RBM19: variants seen among roughly 807,000 people sequenced by gnomAD.
RBM19 encodes the protein RNA binding motif protein 19, also known as probable RNA-binding protein 19.
RBM19 carries 94 observed loss-of-function variants against 116.8 expected under a neutral mutation model. The observed-to-expected ratio is 0.80, with a 90% CI of 0.68 to 0.95. The LOEUF (loss-of-function observed/expected upper bound fraction) is 0.95, where lower values mean the gene tolerates loss of function less well. Among genes scored for constraint, RBM19 ranks in the 40% least tolerant of loss-of-function variants. The pLI, the probability that RBM19 is intolerant of heterozygous loss-of-function variation, is 0.00. For missense variants in RBM19, 1,161 were observed against 1,220.7 expected, an observed-to-expected ratio of 0.95 and a Z score of 0.73; for synonymous variants, 475 against 494.1, an observed-to-expected ratio of 0.96 and a Z score of 0.51.
chr12:113,933,384 C>T (rs1869784663), intron 16 of RBM19, among the ~76,000 whole-genome samples: 1 of 151,990 alleles, frequency 6.6e-6, no homozygotes, highest in Non-Finnish European at 1.5e-5. Context: ...AAGAACAGCA[C>T]CCGCCAGGAG....
At chr12:113,824,024 G>A (rs1478496121) in intron 23 of RBM19, among the ~76,000 whole-genome samples, 1 of 152,216 alleles carries the variant, frequency 6.6e-6, no homozygotes, top group Non-Finnish European at 1.5e-5. Context: ...GGGCTTTGAA[G>A]AATGCAGAGG....
chr12:113,853,580 C>T (rs560202061), intron 22 of RBM19, among the ~76,000 whole-genome samples: 1 of 152,228 alleles, frequency 6.6e-6, no homozygotes, highest in Non-Finnish European at 1.5e-5. Context: ...TGTTGCCCTT[C>T]CTTTCTTCCT....
downstream of RBM19, among the ~76,000 whole-genome samples, chr12:113,819,144 C>G (rs1221027440): frequency 6.6e-6 from 1 of 152,174 alleles, no homozygotes; most frequent in South Asian, 2.1e-4. Flanking sequence ...GGGAGACGGA[C>G]GTGAGGACAG....
intron 2 of RBM19, 127 bp from the exon 3 acceptor site, chr12:113,960,305 A>G (rs1872382366): frequency 1.6e-6 from 2 of 1,226,304 alleles, no homozygotes. Flanking sequence ...GCTGAAGTAG[A>G]TTACACGTCA....
At chr12:113,921,275 T>G (rs1868535993) in intron 18 of RBM19, among the ~76,000 whole-genome samples, 2 of 152,180 alleles carry the variant, frequency 1.3e-5, no homozygotes, top group African/African-American at 4.8e-5. Context: ...CATCAGAAAC[T>G]TCCGCTTCCT....
downstream of RBM19, among the ~76,000 whole-genome samples, chr12:113,821,872 G>A (rs565797690): frequency 1.4e-3 from 215 of 152,290 alleles, 2 homozygotes; most frequent in African/African-American, 4.7e-3. Flanking sequence ...ATGCTTGGTC[G>A]TGCAGGCTGC....
At chr12:113,882,249 GGT>G (rs1282666089) in intron 21 of RBM19, among the ~76,000 whole-genome samples, 2 of 152,204 alleles carry the variant, frequency 1.3e-5, no homozygotes, top group South Asian at 4.1e-4. Flanking sequence ...ACAGGCACCA[GGT>G]GTCTTAAGGA....
chr12:113,858,932 T>C (rs1387662242), intron 21 of RBM19, 36 bp from the exon 22 acceptor site: 2 of 1,596,978 alleles, frequency 1.3e-6, no homozygotes, highest in African/African-American at 2.7e-5. Flanking sequence ...GGTTTAAGAA[T>C]AGAGGCCCGC....
At chr12:113,862,798 C>G (rs1593499650) in intron 21 of RBM19, among the ~76,000 whole-genome samples, 1 of 152,330 alleles carries the variant, frequency 6.6e-6, no homozygotes, top group East Asian at 1.9e-4. Context: ...GTAGCAATTA[C>G]TGTATCAGAA....
chr12:113,862,379 G>T (rs2135748090), intron 21 of RBM19, among the ~76,000 whole-genome samples: 1 of 152,222 alleles, frequency 6.6e-6, no homozygotes, highest in South Asian at 2.1e-4. Context: ...TGGCTTGGTT[G>T]CTTGTATAAC....
intron 13 of RBM19, among the ~76,000 whole-genome samples, chr12:113,943,748 G>A (rs1490960890): frequency 2.0e-5 from 3 of 152,062 alleles, no homozygotes; most frequent in Non-Finnish European, 4.4e-5. Flanking sequence ...GCTTGAACCC[G>A]AGAGGCAGAG....
chr12:113,957,489 C>A (rs1872045309), intron 6 of RBM19, among the ~76,000 whole-genome samples: 1 of 152,104 alleles, frequency 6.6e-6, no homozygotes, highest in African/African-American at 2.4e-5. Context: ...ATCACTTGAA[C>A]CCAGGAGGCG....
In RBM19 at chr12:113,920,720, T is replaced by C. The variant is rs771215223; in HGVS notation, c.2306-30A>G. 2.1e-5 allele frequency: 33 copies of C among 1,597,180 alleles called. No individual in the cohort carries two copies. In the African/African-American group the frequency reaches 4.0e-4, roughly 20 times the overall value. Reference sequence around the variant, plus strand: ...GAGAGAGAGGTGGAAATCACACCAGTCGGTGAAGCGGAAGCACAAGGCCAA... The same window carrying C: ...GAGAGAGAGGTGGAAATCACACCAGCCGGTGAAGCGGAAGCACAAGGCCAA... On this transcript the variant is annotated intron_variant, in intron 18 of 23. Transcript: ENST00000261741.
At chr12:113,939,195 A>G (rs774174035) in intron 15 of RBM19, among the ~76,000 whole-genome samples, 2 of 152,182 alleles carry the variant, frequency 1.3e-5, no homozygotes, top group Non-Finnish European at 2.9e-5. Flanking sequence ...AGTCTCAGCT[A>G]CATGGGAGGC....
At chr12:113,829,216 A>G (rs1875151959) in intron 23 of RBM19, among the ~76,000 whole-genome samples, 1 of 152,204 alleles carries the variant, frequency 6.6e-6, no homozygotes, top group Non-Finnish European at 1.5e-5. Flanking sequence ...CATGAGCTCA[A>G]GTGATCCACC....
chr12:113,913,739 G>A (rs996971326), intron 21 of RBM19, among the ~76,000 whole-genome samples: 2 of 152,204 alleles, frequency 1.3e-5, no homozygotes, highest in African/African-American at 4.8e-5. Flanking sequence ...CTCTAACAGA[G>A]GCTTCACTCT....
intron 17 of RBM19, 140 bp from the exon 18 acceptor site, chr12:113,924,897 C>T (rs769354843): frequency 1.4e-5 from 10 of 697,082 alleles, no homozygotes; most frequent in Non-Finnish European, 2.3e-5. Context: ...GAGTGATGAC[C>T]TCCTTTAAGT....
chr12:113,931,005 C>G (rs533674472), intron 16 of RBM19, among the ~76,000 whole-genome samples: 1 of 152,198 alleles, frequency 6.6e-6, no homozygotes, highest in Admixed American at 6.5e-5. Context: ...CATACACAAA[C>G]AAAAACCCCA....
intron 21 of RBM19, among the ~76,000 whole-genome samples, chr12:113,905,419 G>A (rs961564407): frequency 6.6e-6 from 1 of 152,090 alleles, no homozygotes; most frequent in Non-Finnish European, 1.5e-5. Flanking sequence ...ATGCTCCTTG[G>A]TCTGCACCTC....
Sources: gnomAD v4.1 joint callset for allele counts (sites outside exome capture counted in the v4.1 genomes callset) on GRCh38, gnomAD v4.1.1 for gene constraint, MANE v1.5 for transcripts, NCBI Gene and HGNC (gene_info 2026-07-23, HGNC 2026-07-21) for gene names.